Variants in CBL observed in about 807,000 individuals in gnomAD.
The protein encoded by CBL is E3 ubiquitin-protein ligase CBL.
CBL carries 45 observed loss-of-function variants against 96.9 expected under a neutral mutation model. That is an observed-to-expected ratio of 0.46 (90% CI 0.37 to 0.60). The LOEUF (loss-of-function observed/expected upper bound fraction) is 0.60. CBL is among the 20% of genes least tolerant of loss of function. CBL has a pLI of 0.00. For synonymous variants in CBL, 420 were observed against 426.8 expected (o/e 0.98, Z 0.20); for missense variants, 1,024 against 1,143.5 (o/e 0.90, Z 1.51).
chr11:119,252,061 T>C (rs1272763147), intron 2 of CBL, among the ~76,000 whole-genome samples: 1 of 152,158 alleles, frequency 6.6e-6, no homozygotes, highest in Non-Finnish European at 1.5e-5. Flanking sequence ...TTTACTCTTA[T>C]TTGTTGTGAT....
At chr11:119,295,102 C>T (rs1165782086) in intron 12 of CBL, among the ~76,000 whole-genome samples, 2 of 152,276 alleles carry the variant, frequency 1.3e-5, no homozygotes, top group East Asian at 3.9e-4. Flanking sequence ...AGTAGGCTTC[C>T]GTGGCTCCGG....
At position 119,297,379 on chromosome 11, in the gene CBL, T is replaced by C; in HGVS notation, c.2154-5T>C. The C allele has an allele frequency of 1.2e-6, 2 of 1,607,708 alleles. No homozygotes were observed. The highest frequency in any genetic ancestry group is 8.5e-7 in the Non-Finnish European group (1 of 1,174,514). On this transcript the variant is annotated splice_region_variant and splice_polypyrimidine_tract_variant and intron_variant, in intron 13 of 15. Transcript: ENST00000264033. ...GATCATTATGGCACTTTCCTTCTGGTTCAGAGCATGTGATTGCGACCAGCA... is the reference window on the plus strand; with the variant it reads ...GATCATTATGGCACTTTCCTTCTGGCTCAGAGCATGTGATTGCGACCAGCA...
intron 9 of CBL, among the ~76,000 whole-genome samples, chr11:119,284,451 G>A (rs1949964719): frequency 6.6e-6 from 1 of 151,772 alleles, no homozygotes; most frequent in Admixed American, 6.6e-5. Flanking sequence ...GTGCCACCAT[G>A]GCCCAGCTAA....
chr11:119,252,031 A>G (rs1949672975), intron 2 of CBL, among the ~76,000 whole-genome samples: 1 of 152,078 alleles, frequency 6.6e-6, no homozygotes, highest in African/African-American at 2.4e-5. Context: ...GTAAACTTCA[A>G]TCCTGGCAGC....
rs115848398 is a variant in CBL at position 119,226,918 on chromosome 11, C to G, written c.196-5530C>G. Among the ~76,000 whole-genome samples the G allele has an allele frequency of 7.5e-3, 1,136 of 152,286 alleles. 12 individuals carry two copies. The highest frequency in any genetic ancestry group is 0.022 in the African/African-American group (920 of 41,574). ...TTCCTTACCTGTTCCACAAATCTCT[C>G]TCATTACCTTCTCCACCTTGTTCAC... On this transcript the variant is annotated intron_variant, in intron 1 of 15. Transcript: ENST00000264033.
chr11:119,302,094 T>C lies in CBL; in HGVS notation c.*2313T>C. The C allele has an allele frequency of 4.3e-6, 1 of 232,966 alleles. No homozygotes were observed. Among genetic ancestry groups the C allele is most frequent in the Admixed American group, 5.6e-5 (1 of 17,772 alleles). 14.4% of individuals were successfully genotyped at this position (232,966 alleles called of 1,614,324 possible). The stretch of plus-strand genomic sequence containing the variant: ...AAGGGCAGTCTCGACTTTTCCTTTT[T>C]TGAGTCCTGTGTGGCTCTTTGAATC... On this transcript the variant is annotated 3_prime_UTR_variant, in exon 16 of 16. Transcript: ENST00000264033.
intron 2 of CBL, among the ~76,000 whole-genome samples, chr11:119,270,141 T>C (rs1949832270): frequency 2.6e-5 from 4 of 152,072 alleles, no homozygotes; most frequent in Admixed American, 2.6e-4. Flanking sequence ...GTATCCTGTT[T>C]CTGTGGCAAT....
chr11:119,228,903 C>T (rs543596517), intron 1 of CBL, among the ~76,000 whole-genome samples: 2 of 151,862 alleles, frequency 1.3e-5, no homozygotes, highest in East Asian at 2.0e-4. Flanking sequence ...CTTTGCTTCC[C>T]GGGTTCAAGT....
rs754835728 is a variant in CBL at position 119,297,494 on chromosome 11, TC to T, written c.2251+14del. On this transcript the variant is annotated intron_variant, in intron 14 of 15. Coordinates refer to ENST00000264033, the MANE Select transcript of CBL (RefSeq NM_005188.4). ...AGCAGCACCTTTGGTAAGTTGCCAT[TC>T]TGCTACTTTAAAAATCATTGATATG... 8 of 1,565,894 alleles carry T rather than the reference TC, an allele frequency of 5.1e-6. No individual in the cohort carries two copies. The African/African-American group carries it at 1.1e-4, about 21-fold the overall frequency.
In CBL at chr11:119,278,313, G is replaced by A. The variant is rs2135303961; in HGVS notation, c.1227+16G>A. On this transcript the variant is annotated intron_variant, in intron 8 of 15. Coordinates refer to ENST00000264033, the MANE Select transcript of CBL (RefSeq NM_005188.4). ...ATCCTGGCAGGTACGGATCTAAACA[G>A]CGACTTTTTTCAGCTATGTAATAAC... 2 of 1,613,916 alleles carry A rather than the reference G, an allele frequency of 1.2e-6. No individual in the cohort carries two copies. Among genetic ancestry groups the A allele is most frequent in the Non-Finnish European group, 1.7e-6 (2 of 1,179,882 alleles).
chr11:119,277,239 G>GCA (rs112214824), intron 6 of CBL, among the ~76,000 whole-genome samples: 26,416 of 138,180 alleles, frequency 0.19, 2,590 homozygotes, highest in South Asian at 0.24. Flanking sequence ...AGAATCTGTC[G>GCA]CGCACACACA....
In CBL at chr11:119,302,899, A is replaced by G; in HGVS notation, c.*3118A>G. 1 of 230,194 alleles carries G rather than the reference A, an allele frequency of 4.3e-6. No individual in the cohort carries two copies. Among genetic ancestry groups the G allele is most frequent in the Non-Finnish European group, 8.6e-6 (1 of 116,246 alleles). 14.3% of individuals were successfully genotyped at this position (230,194 alleles called of 1,614,324 possible). Reference sequence around the variant, plus strand: ...CCCCCAGCCCCATTCTGCATAATCTACCATTCTTCTCCTCTCTTTCTCTTC... The same window carrying G: ...CCCCCAGCCCCATTCTGCATAATCTGCCATTCTTCTCCTCTCTTTCTCTTC... On this transcript the variant is annotated 3_prime_UTR_variant, in exon 16 of 16. Transcript: ENST00000264033.
At chr11:119,299,093 C>G (rs1302382879) in intron 15 of CBL, among the ~76,000 whole-genome samples, 4 of 152,238 alleles carry the variant, frequency 2.6e-5, no homozygotes, top group Admixed American at 2.6e-4. Flanking sequence ...CAATGTCCCC[C>G]ACTCAGCCTT....
chr11:119,210,603 ATTTTTTT>A (rs768564444), intron 1 of CBL, among the ~76,000 whole-genome samples: 35 of 98,654 alleles, frequency 3.5e-4, no homozygotes, highest in African/African-American at 6.9e-4. Context: ...TAATTTTTCA[ATTTTTTT>A]TTTTTTTTTT....
chr11:119,305,305 G>A lies in CBL; in HGVS notation c.*5524G>A, dbSNP rs987767724. 4.3e-6 allele frequency: 1 copy of A among 232,036 alleles called. No individual in the cohort carries two copies. Among genetic ancestry groups the A allele is most frequent in the African/African-American group, 2.2e-5 (1 of 45,258 alleles). 14.4% of individuals were successfully genotyped at this position (232,036 alleles called of 1,614,324 possible). A position where few individuals can be genotyped will look rare whatever the true frequency, so the allele number is the denominator to read the frequency against. On this transcript the variant is annotated 3_prime_UTR_variant, in exon 16 of 16. Coordinates refer to ENST00000264033, the MANE Select transcript of CBL (RefSeq NM_005188.4). ...GTGGGCCAGCCTGTCCTGTTCCAGA[G>A]CTAGCCTGTTCCTGGGTAGCCTTCC...
intron 1 of CBL, among the ~76,000 whole-genome samples, chr11:119,229,771 A>G (rs1372258437): frequency 6.6e-6 from 1 of 151,208 alleles, no homozygotes; most frequent in Non-Finnish European, 1.5e-5. Context: ...GCTGTGGCCC[A>G]GGCTGGAGGG....
chr11:119,247,121 C>T (rs1386246321), intron 2 of CBL, among the ~76,000 whole-genome samples: 1 of 152,176 alleles, frequency 6.6e-6, no homozygotes. Context: ...TTTGGAGAAA[C>T]ACTCTGCCAG....
At chr11:119,282,643 C>T (rs1949946033) in intron 9 of CBL, among the ~76,000 whole-genome samples, 1 of 152,064 alleles carries the variant, frequency 6.6e-6, no homozygotes, top group Admixed American at 6.6e-5. Context: ...GAAAGCTGGG[C>T]AGGAGGGTGA....
chr11:119,283,638 T>C (rs1200561471), intron 9 of CBL, among the ~76,000 whole-genome samples: 5 of 115,712 alleles, frequency 4.3e-5, no homozygotes, highest in African/African-American at 1.6e-4. Flanking sequence ...TTTTTTTTTT[T>C]TTTTTTTTTT....
Sources: gnomAD v4.1 joint callset for allele counts (sites outside exome capture counted in the v4.1 genomes callset) on GRCh38, gnomAD v4.1.1 for gene constraint, MANE v1.5 for transcripts, NCBI Gene and HGNC (gene_info 2026-07-23, HGNC 2026-07-21) for gene names.